PPARGC1A: variants seen among roughly 807,000 people sequenced by gnomAD.
PPARGC1A encodes the protein PPARG coactivator 1 alpha.
PPARGC1A carries 25 observed loss-of-function variants against 88.7 expected under a neutral mutation model. The observed-to-expected ratio is 0.28, with a 90% CI of 0.21 to 0.39. PPARGC1A has a LOEUF of 0.39. Ranked by LOEUF, PPARGC1A falls within the 10% of genes least tolerant of loss-of-function variation. The pLI, the probability that PPARGC1A is intolerant of heterozygous loss-of-function variation, is 1.00. For synonymous variants in PPARGC1A, 363 were observed against 355.6 expected (o/e 1.02, Z -0.24); for missense variants, 880 against 968.7 (o/e 0.91, Z 1.22).
chr4:23,953,614 G>T, the PPARGC1A span, among the ~76,000 whole-genome samples: 1 of 151,992 alleles, frequency 6.6e-6, no homozygotes, highest in Admixed American at 6.6e-5. Context: ...TCATTGCGCT[G>T]AACATTCAAA....
the PPARGC1A span, among the ~76,000 whole-genome samples, chr4:24,086,228 C>G: frequency 6.6e-6 from 1 of 152,178 alleles, no homozygotes; most frequent in African/African-American, 2.4e-5. Context: ...CTTTTCAGAT[C>G]TCTTTTCAGA....
the PPARGC1A span, among the ~76,000 whole-genome samples, chr4:24,035,654 C>G: frequency 6.6e-6 from 1 of 151,798 alleles, no homozygotes; most frequent in Non-Finnish European, 1.5e-5. Context: ...CCAATGTTTC[C>G]CAAATTATGA....
chr4:23,898,834 A>AT (rs34953632), intron 1 of PPARGC1A, among the ~76,000 whole-genome samples: 2,326 of 133,220 alleles, frequency 0.017, 57 homozygotes, highest in East Asian at 0.12. Context: ...TGAGGTGGGT[A>AT]TTTTTTTTTT....
chr4:23,924,909 C>T, the PPARGC1A span, among the ~76,000 whole-genome samples: 1 of 152,100 alleles, frequency 6.6e-6, no homozygotes, highest in Non-Finnish European at 1.5e-5. Flanking sequence ...ACTTTCCTTT[C>T]TTTTATAGAA....
At chr4:24,171,648 T>A in the PPARGC1A span, among the ~76,000 whole-genome samples, 1 of 152,160 alleles carries the variant, frequency 6.6e-6, no homozygotes, top group Non-Finnish European at 1.5e-5. Context: ...CACAGATGAA[T>A]GAATTCCTAA....
At chr4:24,261,955 T>G in the PPARGC1A span, among the ~76,000 whole-genome samples, 1 of 152,214 alleles carries the variant, frequency 6.6e-6, no homozygotes, top group Non-Finnish European at 1.5e-5. Flanking sequence ...GACAAAGATT[T>G]TATACAACAT....
the PPARGC1A span, among the ~76,000 whole-genome samples, chr4:24,266,401 G>A: frequency 6.6e-6 from 1 of 152,124 alleles, no homozygotes; most frequent in African/African-American, 2.4e-5. Context: ...TGAACCCCAG[G>A]ATCTTGGGGT....
At chr4:24,089,104 G>GT in the PPARGC1A span, among the ~76,000 whole-genome samples, 1 of 152,206 alleles carries the variant, frequency 6.6e-6, no homozygotes, top group African/African-American at 2.4e-5. Flanking sequence ...ATCAGTTCCA[G>GT]TAAGAAATAT....
At chr4:23,931,989 T>A in the PPARGC1A span, among the ~76,000 whole-genome samples, 1 of 152,214 alleles carries the variant, frequency 6.6e-6, no homozygotes, top group African/African-American at 2.4e-5. Flanking sequence ...GAGTTACTGT[T>A]AATGCTTTAC....
At chr4:23,932,697 A>G in the PPARGC1A span, among the ~76,000 whole-genome samples, 1 of 152,156 alleles carries the variant, frequency 6.6e-6, no homozygotes. Flanking sequence ...AAGACATCTT[A>G]TTGGAGATAA....
the PPARGC1A span, among the ~76,000 whole-genome samples, chr4:24,133,328 A>G: frequency 6.6e-6 from 1 of 152,224 alleles, no homozygotes; most frequent in African/African-American, 2.4e-5. Flanking sequence ...GCAGATGAAT[A>G]CACTCTAAAT....
chr4:24,130,830 C>A, the PPARGC1A span, among the ~76,000 whole-genome samples: 1 of 152,174 alleles, frequency 6.6e-6, no homozygotes, highest in African/African-American at 2.4e-5. Flanking sequence ...TACCCAGGCT[C>A]CTTAGTACAG....
chr4:23,906,789 G>C (rs1720103778), upstream of PPARGC1A, among the ~76,000 whole-genome samples: 1 of 152,048 alleles, frequency 6.6e-6, no homozygotes. Flanking sequence ...TGGAAATGTA[G>C]TCAAATATGA....
intron 12 of PPARGC1A, among the ~76,000 whole-genome samples, chr4:23,798,041 A>C (rs7683708): frequency 0.54 from 81,185 of 151,698 alleles, 22,257 homozygotes; most frequent in East Asian, 0.69. Context: ...AAAGCTCCCC[A>C]ACTGGGTACC....
upstream of PPARGC1A, chr4:23,890,149 G>A (rs1717609525): frequency 3.2e-6 from 4 of 1,241,600 alleles, no homozygotes; most frequent in South Asian, 9.1e-5. Context: ...CCCTTCCCCT[G>A]TGCAGCTTGC....
the PPARGC1A span, among the ~76,000 whole-genome samples, chr4:24,222,943 A>G: frequency 6.6e-6 from 1 of 152,200 alleles, no homozygotes; most frequent in African/African-American, 2.4e-5. Context: ...ATACATAAAA[A>G]TTAGCAAAAG....
At chr4:24,464,109 T>A in the PPARGC1A span, among the ~76,000 whole-genome samples, 1,387 of 152,340 alleles carry the variant, frequency 9.1e-3, 17 homozygotes, top group African/African-American at 0.031. Flanking sequence ...CATGCCACAT[T>A]TCATTTTAGG....
At chr4:24,291,653 A>G in the PPARGC1A span, among the ~76,000 whole-genome samples, 1,958 of 152,324 alleles carry the variant, frequency 0.013, 41 homozygotes, top group African/African-American at 0.045. Flanking sequence ...TTCCATCCGA[A>G]GTCCTGCTGA....
At chr4:24,171,378 C>T in the PPARGC1A span, among the ~76,000 whole-genome samples, 4 of 152,044 alleles carry the variant, frequency 2.6e-5, no homozygotes, top group Non-Finnish European at 4.4e-5. Flanking sequence ...TGCACTCCAG[C>T]CTGGTAACAG....
Sources: gnomAD v4.1 joint callset for allele counts (sites outside exome capture counted in the v4.1 genomes callset) on GRCh38, gnomAD v4.1.1 for gene constraint, MANE v1.5 for transcripts, NCBI Gene and HGNC (gene_info 2026-07-23, HGNC 2026-07-21) for gene names.